The following HS6ST3 variants were observed in gnomAD, a reference collection of about 807,000 sequenced individuals.
HS6ST3 encodes the protein heparan-sulfate 6-O-sulfotransferase 3.
In HS6ST3, 12 loss-of-function variants were observed where a neutral mutation model predicts 36.7. The observed-to-expected ratio is 0.33, with a 90% CI of 0.21 to 0.53. The LOEUF (loss-of-function observed/expected upper bound fraction) is 0.53, where lower values mean the gene tolerates loss of function less well. HS6ST3 is among the 20% of genes least tolerant of loss of function. The pLI, the probability that HS6ST3 is intolerant of heterozygous loss-of-function variation, is 0.95. For synonymous variants in HS6ST3, 240 were observed against 257.5 expected (o/e 0.93, Z 0.65); for missense variants, 584 against 640.9 (o/e 0.91, Z 0.96).
At chr13:96,784,948 G>A (rs2010925) in intron 1 of HS6ST3, among the ~76,000 whole-genome samples, 64,748 of 152,006 alleles carry the variant, frequency 0.43, 16,291 homozygotes, top group African/African-American at 0.71. Context: ...CAGGCAGATC[G>A]CTTGAGGTCA....
At chr13:96,382,362 G>T (rs1423828655) in intron 1 of HS6ST3, among the ~76,000 whole-genome samples, 1 of 152,064 alleles carries the variant, frequency 6.6e-6, no homozygotes, top group Non-Finnish European at 1.5e-5. Context: ...TAAATGAATG[G>T]GTCTTATTAA....
chr13:96,624,892 G>A (rs917644678), intron 1 of HS6ST3, among the ~76,000 whole-genome samples: 2 of 152,050 alleles, frequency 1.3e-5, no homozygotes, highest in Admixed American at 6.5e-5. Context: ...TAAATAGTGG[G>A]TCTGCAGAGA....
chr13:96,298,115 A>G (rs961493407), intron 1 of HS6ST3, among the ~76,000 whole-genome samples: 1 of 152,154 alleles, frequency 6.6e-6, no homozygotes, highest in Non-Finnish European at 1.5e-5. Flanking sequence ...AACTGGTTAG[A>G]TATGTTGTAT....
intron 1 of HS6ST3, among the ~76,000 whole-genome samples, chr13:96,108,263 TG>T (rs1343862493): frequency 6.6e-6 from 1 of 152,210 alleles, no homozygotes; most frequent in Non-Finnish European, 1.5e-5. Context: ...CCTAGTCTCC[TG>T]TAGCGCCCCC....
At chr13:96,774,615 G>A (rs187998117) in intron 1 of HS6ST3, among the ~76,000 whole-genome samples, 17 of 152,226 alleles carry the variant, frequency 1.1e-4, no homozygotes, top group Non-Finnish European at 2.1e-4. Context: ...AATCAAGCAT[G>A]AAGACAAGAT....
chr13:96,456,826 T>C (rs1463245320), intron 1 of HS6ST3, among the ~76,000 whole-genome samples: 2 of 152,078 alleles, frequency 1.3e-5, no homozygotes, highest in Admixed American at 1.3e-4. Context: ...TACTGTGTAG[T>C]CTTGATGCTA....
chr13:96,656,325 T>G (rs1216195595), intron 1 of HS6ST3, among the ~76,000 whole-genome samples: 1 of 152,150 alleles, frequency 6.6e-6, no homozygotes, highest in African/African-American at 2.4e-5. Flanking sequence ...GATTTACAAG[T>G]TATGTATCTT....
chr13:96,640,756 G>GT (rs1288269657), intron 1 of HS6ST3, among the ~76,000 whole-genome samples: 1 of 151,946 alleles, frequency 6.6e-6, no homozygotes, highest in African/African-American at 2.4e-5. Context: ...TAGGGGTCCA[G>GT]TTTTATTCTT....
chr13:96,837,867 T>C lies in HS6ST3; in HGVS notation c.*4669T>C, dbSNP rs1175633512. On this transcript the variant is annotated 3_prime_UTR_variant, in exon 2 of 2. Transcript: ENST00000376705. Reference sequence around the variant, plus strand: ...CCAAAAAAAAAAAAAGAAAGAAAACTCTCCCTTTTTAATGTCTTCTTCCCC... The same window carrying C: ...CCAAAAAAAAAAAAAGAAAGAAAACCCTCCCTTTTTAATGTCTTCTTCCCC... 1 of 144,436 alleles carries C rather than the reference T, an allele frequency of 6.9e-6. No individual in the cohort carries two copies. The highest frequency in any genetic ancestry group is 2.5e-5 in the African/African-American group (1 of 39,414). 8.9% of individuals were successfully genotyped at this position (144,436 alleles called of 1,614,324 possible).
chr13:96,434,950 G>C (rs2055634304), intron 1 of HS6ST3, among the ~76,000 whole-genome samples: 1 of 151,886 alleles, frequency 6.6e-6, no homozygotes, highest in South Asian at 2.1e-4. Flanking sequence ...GGAGTTGTTT[G>C]TCTTAATGGA....
chr13:96,228,331 T>C (rs940680060), intron 1 of HS6ST3, among the ~76,000 whole-genome samples: 2 of 152,216 alleles, frequency 1.3e-5, no homozygotes, highest in Admixed American at 1.3e-4. Flanking sequence ...CAATCTTGGC[T>C]CACTGCAACC....
At chr13:96,653,325 C>T (rs538688727) in intron 1 of HS6ST3, among the ~76,000 whole-genome samples, 2 of 152,182 alleles carry the variant, frequency 1.3e-5, no homozygotes, top group East Asian at 3.9e-4. Flanking sequence ...CCGTCATCTA[C>T]ATTAGGTATT....
chr13:96,258,364 A>G (rs2054647788), intron 1 of HS6ST3, among the ~76,000 whole-genome samples: 1 of 152,170 alleles, frequency 6.6e-6, no homozygotes, highest in Non-Finnish European at 1.5e-5. Context: ...TCAAAACAAC[A>G]ACAACAACAA....
chr13:96,342,850 A>T (rs981395905), intron 1 of HS6ST3, among the ~76,000 whole-genome samples: 8 of 152,188 alleles, frequency 5.3e-5, no homozygotes, highest in Admixed American at 3.9e-4. Flanking sequence ...TCAAGAAGAA[A>T]TGTTTCCATC....
chr13:96,564,355 C>T (rs2056273295), intron 1 of HS6ST3, among the ~76,000 whole-genome samples: 2 of 152,148 alleles, frequency 1.3e-5, no homozygotes, highest in Non-Finnish European at 1.5e-5. Flanking sequence ...TTGTGGTGAA[C>T]TGCTATAATC....
Position 96,543,136 on chromosome 13 carries a change from AATTTAT to A in HS6ST3, c.708-289353_708-289348del, listed in dbSNP as rs2056184553. ...ATTGCCACCACCATGAACAGAAAGGAATTTATTTATCTTCCTATCTCCCGTACAGAT... is the reference window on the plus strand; with the variant it reads ...ATTGCCACCACCATGAACAGAAAGGATTATCTTCCTATCTCCCGTACAGAT... On this transcript the variant is annotated intron_variant, in intron 1 of 1. Transcript: ENST00000376705. 3.3e-5 allele frequency among the ~76,000 whole-genome samples: 5 copies of A among 152,124 alleles called. No individual in the cohort carries two copies. The South Asian group carries it at 1.0e-3, about 32-fold the overall frequency.
At chr13:96,176,587 C>A (rs1792712262) in intron 1 of HS6ST3, among the ~76,000 whole-genome samples, 1 of 151,920 alleles carries the variant, frequency 6.6e-6, no homozygotes, top group African/African-American at 2.4e-5. Flanking sequence ...TTCCAACAAA[C>A]CTGTCCACAT....
chr13:96,656,301 A>T (rs147208749), intron 1 of HS6ST3, among the ~76,000 whole-genome samples: 2 of 152,172 alleles, frequency 1.3e-5, no homozygotes, highest in Admixed American at 1.3e-4. Context: ...CTGTCCATCC[A>T]TGATTTCTCA....
intron 1 of HS6ST3, among the ~76,000 whole-genome samples, chr13:96,137,089 A>G (rs1034607681): frequency 2.0e-5 from 3 of 152,090 alleles, no homozygotes; most frequent in African/African-American, 7.2e-5. Context: ...TGTTTTGGCC[A>G]TTGTATATAC....
Sources: allele counts gnomAD v4.1 joint callset (sites outside exome capture counted in the v4.1 genomes callset), GRCh38; gene constraint gnomAD v4.1.1; transcripts MANE v1.5; gene names NCBI Gene and HGNC (gene_info 2026-07-23, HGNC 2026-07-21).